The following MED23 variants were observed in gnomAD, a reference collection of about 807,000 sequenced individuals.
The protein encoded by MED23 is mediator of RNA polymerase II transcription subunit 23.
A neutral mutation model predicts 163.9 loss-of-function variants in MED23; 105 were observed. The ratio of observed to expected loss-of-function variants is 0.64; its 90% CI spans 0.55 to 0.75. The LOEUF is 0.75. MED23 is among the 30% of genes least tolerant of loss of function. The pLI is 0.00. For synonymous variants in MED23, 561 were observed against 565.6 expected (o/e 0.99, Z 0.12); for missense variants, 1,054 against 1,649.0 (o/e 0.64, Z 6.25).
intron 10 of MED23, among the ~76,000 whole-genome samples, chr6:131,610,465 A>G (rs2749925): frequency 6.6e-6 from 1 of 152,258 alleles, no homozygotes; most frequent in African/African-American, 2.4e-5. Flanking sequence ...CCTACAAAAC[A>G]GACTTCCCAT....
chr6:131,598,138 T>A lies in MED23; in HGVS notation c.2607+149A>T. 4.8e-6 allele frequency: 4 copies of A among 831,852 alleles called. No homozygotes were observed. Among genetic ancestry groups the A allele is most frequent in the Non-Finnish European group, 7.5e-6 (4 of 530,560 alleles). 51.5% of individuals were successfully genotyped at this position (831,852 alleles called of 1,614,324 possible). On this transcript the variant is annotated intron_variant, in intron 20 of 28. Transcript: ENST00000368068. This position sits in a 1 kb window ranked among gnomAD's most constrained non-coding sequence, Gnocchi z 4.7. ...ACAAACAAAAACAGAAATTGGAAAA[T>A]TTCCGGCTCTTTAGGGAAGTGACAG...
intron 30 of MED23, among the ~76,000 whole-genome samples, chr6:131,574,468 T>C (rs566712237): frequency 6.6e-6 from 1 of 152,296 alleles, no homozygotes; most frequent in South Asian, 2.1e-4. Flanking sequence ...TCACCCACTC[T>C]TGAACAGGTT....
chr6:131,605,644 A>T (rs754378734), intron 13 of MED23, among the ~76,000 whole-genome samples, 159 bp from the exon 14 acceptor site: 3 of 152,212 alleles, frequency 2.0e-5, no homozygotes, highest in Non-Finnish European at 4.4e-5. Flanking sequence ...GTGGGAATAC[A>T]CATAGAAGTT....
At chr6:131,602,466 T>G in intron 16 of MED23, 85 bp from the exon 17 acceptor site, 1 of 1,240,096 alleles carries the variant, frequency 8.1e-7, no homozygotes. Flanking sequence ...TGGAAAAACA[T>G]GCAATCTATG....
At chr6:131,593,225 A>G (rs892754881) in intron 23 of MED23, 54 bp from the exon 24 acceptor site, 8 of 1,604,374 alleles carry the variant, frequency 5.0e-6, no homozygotes, top group Admixed American at 1.7e-5. Context: ...TTGTCAATTT[A>G]TCTGATTATG....
chr6:131,590,983 A>G (rs1217835070), intron 26 of MED23, among the ~76,000 whole-genome samples: 1 of 138,012 alleles, frequency 7.2e-6, no homozygotes, highest in African/African-American at 2.8e-5. Flanking sequence ...AATGAAATAC[A>G]ATTTTTTTTT....
At chr6:131,627,902 A>C in intron 1 of MED23, 109 bp downstream of exon 1, 1 of 1,410,596 alleles carries the variant, frequency 7.1e-7, no homozygotes, top group Non-Finnish European at 1.0e-6. Flanking sequence ...ACAAGGGAAT[A>C]AAAAGGGAGG....
chr6:131,576,795 AG>A, intron 30 of MED23: 1 of 1,463,210 alleles, frequency 6.8e-7, no homozygotes, highest in Non-Finnish European at 9.6e-7. Flanking sequence ...AGGAAAGAGC[AG>A]GCCCCTGTGA....
chr6:131,587,584 A>T lies in MED23; in HGVS notation c.*95T>A. On this transcript the variant is annotated 3_prime_UTR_variant, in exon 29 of 29. Coordinates refer to ENST00000368068, the MANE Select transcript of MED23 (RefSeq NM_004830.4). ...TCTGAATATCATCACTGCTTCTACT[A>T]TATCACTACAGTGTGATCGCATTCA... is the stretch of plus-strand genomic sequence containing the variant. 4.4e-6 allele frequency: 7 copies of T among 1,590,122 alleles called. No individual in the cohort carries two copies. The highest frequency in any genetic ancestry group is 6.0e-6 in the Non-Finnish European group (7 of 1,167,272).
chr6:131,574,728 G>A (rs1315986978), intron 30 of MED23, among the ~76,000 whole-genome samples: 1 of 152,184 alleles, frequency 6.6e-6, no homozygotes, highest in Non-Finnish European at 1.5e-5. Context: ...TTAGAGGGCA[G>A]ATGACTAAAA....
At position 131,609,668 on chromosome 6, in the gene MED23, ATGT is replaced by A. The variant is rs577243390; in HGVS notation, c.1077+375_1077+377del. Reference sequence around the variant, plus strand: ...TTATAACAACTATTAAGATATAATCATGTTGTGTGTGTGTGTATGTATATACAT... The same window carrying A: ...TTATAACAACTATTAAGATATAATCATGTGTGTGTGTGTATGTATATACAT... On this transcript the variant is annotated intron_variant, in intron 11 of 28. Transcript: ENST00000368068. Among the ~76,000 whole-genome samples the A allele has an allele frequency of 3.4e-3, 501 of 148,014 alleles. 4 individuals are homozygous for A. The highest frequency in any genetic ancestry group is 0.012 in the African/African-American group (480 of 40,670).
intron 17 of MED23, 85 bp downstream of exon 17, chr6:131,602,133 T>C (rs1226612259): frequency 4.2e-6 from 6 of 1,428,012 alleles, no homozygotes; most frequent in South Asian, 2.3e-5. Flanking sequence ...AGTATCTTTT[T>C]AGTATGTTAC....
At chr6:131,608,196 C>A in intron 11 of MED23, 125 bp from the exon 12 acceptor site, 1 of 1,039,152 alleles carries the variant, frequency 9.6e-7, no homozygotes, top group Non-Finnish European at 1.4e-6. Context: ...AGAAAGTCAG[C>A]ATCTAACTTT....
chr6:131,588,942 T>C (rs1479238994), intron 28 of MED23, among the ~76,000 whole-genome samples: 1 of 152,164 alleles, frequency 6.6e-6, no homozygotes, highest in Non-Finnish European at 1.5e-5. Flanking sequence ...TCCAAAATGC[T>C]GAGGTCATAA....
At chr6:131,606,868 G>T (rs2608954) in intron 12 of MED23, among the ~76,000 whole-genome samples, 52,958 of 151,674 alleles carry the variant, frequency 0.35, 12,567 homozygotes, top group African/African-American at 0.67. Flanking sequence ...ACAGGTGCTT[G>T]GTCAAGCTTT....
chr6:131,620,921 G>C (rs933001643), intron 6 of MED23, among the ~76,000 whole-genome samples, 192 bp from the exon 7 acceptor site: 1 of 151,736 alleles, frequency 6.6e-6, no homozygotes, highest in Admixed American at 6.6e-5. Context: ...TCCCACCTCA[G>C]CCTCCAGAGT....
chr6:131,574,892 C>T (rs772569620), intron 30 of MED23, among the ~76,000 whole-genome samples: 10 of 152,196 alleles, frequency 6.6e-5, no homozygotes, highest in Non-Finnish European at 1.0e-4. Context: ...GTCACACAGC[C>T]TTGACTGCAT....
At chr6:131,596,867 A>G (rs1775089222) in intron 20 of MED23, among the ~76,000 whole-genome samples, 179 bp from the exon 21 acceptor site, 1 of 152,138 alleles carries the variant, frequency 6.6e-6, no homozygotes, top group African/African-American at 2.4e-5. Flanking sequence ...TTTCTTGCCT[A>G]TTTCTGGCTT....
intron 30 of MED23, chr6:131,576,882 C>T: frequency 1.4e-6 from 1 of 725,272 alleles, no homozygotes. Context: ...CCTACAAAAG[C>T]AGCAGGGCAT....
Sources: allele counts gnomAD v4.1 joint callset (sites outside exome capture counted in the v4.1 genomes callset), GRCh38; gene constraint gnomAD v4.1.1; non-coding constraint Gnocchi (gnomAD v3.1); transcripts MANE v1.5; gene names NCBI Gene and HGNC (gene_info 2026-07-23, HGNC 2026-07-21).